ESRP1: variants seen among roughly 807,000 people sequenced by gnomAD.
The protein encoded by ESRP1 is epithelial splicing regulatory protein 1.
ESRP1 carries 33 observed loss-of-function variants against 81.7 expected under a neutral mutation model. The ratio of observed to expected loss-of-function variants is 0.40; its 90% CI spans 0.31 to 0.54. The LOEUF (loss-of-function observed/expected upper bound fraction) is 0.54, where lower values mean the gene tolerates loss of function less well. ESRP1 is among the 20% of genes least tolerant of loss of function. The probability of loss-of-function intolerance (pLI) is 0.41; values close to 1 mark genes in which losing one functional copy is unlikely to be tolerated. For synonymous variants in ESRP1, 320 were observed against 303.3 expected (o/e 1.06, Z -0.57); for missense variants, 672 against 833.1 (o/e 0.81, Z 2.38).
intron 15 of ESRP1, among the ~76,000 whole-genome samples, chr8:94,697,804 C>CA (rs1242317682): frequency 6.6e-6 from 1 of 151,908 alleles, no homozygotes; most frequent in Non-Finnish European, 1.5e-5. Flanking sequence ...TTTTTTGAGA[C>CA]AGAGTCTTAC....
intron 12 of ESRP1, among the ~76,000 whole-genome samples, chr8:94,675,323 T>TA (rs1819537000): frequency 6.6e-6 from 1 of 152,234 alleles, no homozygotes; most frequent in Non-Finnish European, 1.5e-5. Flanking sequence ...AGTTCAAAGA[T>TA]AACTAAGTAA....
rs755551242 is a variant in ESRP1 at position 94,662,573 on chromosome 8, A to C, written c.644+18A>C. ...GGAACTTGGTAAGTGCTTGAGTACT[A>C]TTTATTTGAGCTTTTTAACTTGTTT... On this transcript the variant is annotated intron_variant, in intron 6 of 15. Coordinates refer to ENST00000433389, the MANE Select transcript of ESRP1 (RefSeq NM_017697.4). 1 of 1,542,086 alleles carries C rather than the reference A, an allele frequency of 6.5e-7. No homozygotes were observed. Among genetic ancestry groups the C allele is most frequent in the Non-Finnish European group, 8.8e-7 (1 of 1,136,574 alleles).
intron 3 of ESRP1, among the ~76,000 whole-genome samples, chr8:94,643,670 T>A (rs1817718385): frequency 6.6e-6 from 1 of 152,196 alleles, no homozygotes; most frequent in African/African-American, 2.4e-5. Flanking sequence ...ATGGTAAATT[T>A]GGTGTTATGT....
intron 2 of ESRP1, among the ~76,000 whole-genome samples, chr8:94,642,767 G>A (rs1817678250): frequency 6.6e-6 from 1 of 152,128 alleles, no homozygotes; most frequent in Admixed American, 6.5e-5. Flanking sequence ...GGTAGGGCGG[G>A]GCGCTAAACA....
intron 1 of ESRP1, 121 bp downstream of exon 1, chr8:94,641,571 C>G: frequency 3.6e-6 from 5 of 1,408,330 alleles, no homozygotes; most frequent in Non-Finnish European, 3.9e-6. Context: ...ACTTGTGAGT[C>G]TGGACCCGAG....
chr8:94,678,033 C>T (rs73695509), intron 12 of ESRP1, among the ~76,000 whole-genome samples, 170 bp from the exon 13 acceptor site: 4,318 of 152,252 alleles, frequency 0.028, 188 homozygotes, highest in African/African-American at 0.097. Flanking sequence ...AATTCAGATA[C>T]TTCTATGCAT....
chr8:94,700,002 C>T (rs542523856), intron 15 of ESRP1, among the ~76,000 whole-genome samples: 6 of 152,228 alleles, frequency 3.9e-5, no homozygotes, highest in African/African-American at 7.2e-5. Context: ...TCATTTGAGA[C>T]CCACCATAAC....
intron 14 of ESRP1, among the ~76,000 whole-genome samples, chr8:94,693,920 T>C (rs946631662): frequency 6.6e-6 from 1 of 152,176 alleles, no homozygotes; most frequent in Non-Finnish European, 1.5e-5. Flanking sequence ...TGACAAAATC[T>C]ATGGCTGATA....
intron 4 of ESRP1, among the ~76,000 whole-genome samples, chr8:94,646,700 G>T (rs1028543731): frequency 3.9e-5 from 6 of 152,206 alleles, no homozygotes; most frequent in Non-Finnish European, 8.8e-5. Context: ...TTTACAAACT[G>T]CTGTTCACTG....
At chr8:94,701,544 G>A (rs1461408347) in intron 15 of ESRP1, among the ~76,000 whole-genome samples, 1 of 152,146 alleles carries the variant, frequency 6.6e-6, no homozygotes, top group African/African-American at 2.4e-5. Context: ...TCGCCAGAAA[G>A]GGTGTTTTTC....
intron 4 of ESRP1, among the ~76,000 whole-genome samples, chr8:94,646,778 G>A (rs1051907059): frequency 1.3e-5 from 2 of 152,084 alleles, no homozygotes; most frequent in Non-Finnish European, 2.9e-5. Context: ...AGCCATCTTT[G>A]GAGATGATAA....
chr8:94,696,446 C>G (rs902994525), intron 14 of ESRP1, among the ~76,000 whole-genome samples: 8 of 152,194 alleles, frequency 5.3e-5, no homozygotes, highest in Non-Finnish European at 7.3e-5. Context: ...ATCTAAAATT[C>G]ACTGCATTGT....
At chr8:94,661,832 G>A (rs1277179926) in intron 4 of ESRP1, among the ~76,000 whole-genome samples, 1 of 152,106 alleles carries the variant, frequency 6.6e-6, no homozygotes, top group Non-Finnish European at 1.5e-5. Flanking sequence ...AATCTGTGGT[G>A]TCCATTTCAA....
chr8:94,684,199 C>G (rs994427889), intron 13 of ESRP1, among the ~76,000 whole-genome samples: 1 of 152,034 alleles, frequency 6.6e-6, no homozygotes, highest in Non-Finnish European at 1.5e-5. Flanking sequence ...CATAAATTTG[C>G]CAGGTATTTG....
intron 4 of ESRP1, among the ~76,000 whole-genome samples, chr8:94,650,773 C>T (rs1488866789): frequency 2.0e-5 from 3 of 149,400 alleles, no homozygotes; most frequent in African/African-American, 7.3e-5. Context: ...AGTGCAGGGG[C>T]GCGATCTTGG....
At chr8:94,703,108 G>GTTTTTTTTTTT (rs201767398) in intron 15 of ESRP1, among the ~76,000 whole-genome samples, 1 of 128,536 alleles carries the variant, frequency 7.8e-6, no homozygotes, top group Non-Finnish European at 1.6e-5. Context: ...GAGATTGATT[G>GTTTTTTTTTTT]TTTTTTTTTT....
chr8:94,672,538 T>C (rs1055381454), intron 11 of ESRP1, among the ~76,000 whole-genome samples: 3 of 142,328 alleles, frequency 2.1e-5, no homozygotes. Context: ...CTTTGGAACT[T>C]TTTTTTTTTT....
intron 15 of ESRP1, among the ~76,000 whole-genome samples, chr8:94,701,479 C>T (rs1356430010): frequency 1.3e-5 from 2 of 152,166 alleles, no homozygotes; most frequent in African/African-American, 4.8e-5. Flanking sequence ...AAGATGCCCA[C>T]AAGCCTTTCT....
chr8:94,642,628 A>G (rs1209722769), intron 2 of ESRP1, among the ~76,000 whole-genome samples: 19 of 152,196 alleles, frequency 1.2e-4, no homozygotes, highest in Non-Finnish European at 2.8e-4. Flanking sequence ...TCCCACTGCC[A>G]GGGAGGTTTT....
Sources: gnomAD v4.1 joint callset for allele counts (sites outside exome capture counted in the v4.1 genomes callset) on GRCh38, gnomAD v4.1.1 for gene constraint, MANE v1.5 for transcripts, NCBI Gene and HGNC (gene_info 2026-07-23, HGNC 2026-07-21) for gene names.